Variants in DPP6 observed in about 807,000 individuals in gnomAD.
The protein encoded by DPP6 is dipeptidyl peptidase like 6.
DPP6 carries 69 observed loss-of-function variants against 122.6 expected under a neutral mutation model. The ratio of observed to expected loss-of-function variants is 0.56; its 90% CI spans 0.46 to 0.69. The LOEUF (loss-of-function observed/expected upper bound fraction) is 0.69, where lower values mean the gene tolerates loss of function less well. DPP6 is among the 30% of genes least tolerant of loss of function. DPP6 has a pLI of 0.00. For synonymous variants in DPP6, 418 were observed against 433.1 expected (o/e 0.97, Z 0.43); for missense variants, 928 against 1,116.9 (o/e 0.83, Z 2.41).
At chr7:153,883,963 G>A (rs563938622), upstream of DPP6, among the ~76,000 whole-genome samples, 9 of 152,250 alleles carry the variant, frequency 5.9e-5, no homozygotes, top group African/African-American at 1.9e-4. Flanking sequence ...GAGAAAATGT[G>A]TCTGCTAATA....
intron 1 of DPP6, among the ~76,000 whole-genome samples, chr7:154,410,214 G>A (rs1182812788): frequency 2.0e-5 from 3 of 152,162 alleles, no homozygotes; most frequent in East Asian, 1.9e-4. Context: ...TCCTAACATC[G>A]TGTCTTAGGG....
chr7:154,372,932 T>G (rs1016417208), intron 1 of DPP6, among the ~76,000 whole-genome samples: 10 of 152,292 alleles, frequency 6.6e-5, no homozygotes, highest in Admixed American at 5.2e-4. Flanking sequence ...CAAACCTACC[T>G]GGATTAGCAC....
rs1323849875 is a variant in DPP6 at position 154,463,216 on chromosome 7, T to C, written c.359-11723T>C. On this transcript the variant is annotated intron_variant, in intron 2 of 25. Transcript: ENST00000377770. ...TTTTCTTTTTTTTTTTTTTTTTTTTTTTTTTTTTTGAGACGGAGTCTCGCT... is the reference window on the plus strand; with the variant it reads ...TTTTCTTTTTTTTTTTTTTTTTTTTCTTTTTTTTTGAGACGGAGTCTCGCT... 2.5e-5 allele frequency among the ~76,000 whole-genome samples: 3 copies of C among 119,190 alleles called. No individual in the cohort carries two copies. In the Admixed American group the frequency reaches 2.8e-4, roughly 11 times the overall value. The allele number at this position is 119,190 out of a possible 152,430, so 78.2% of individuals were successfully genotyped here. A position where few individuals can be genotyped will look rare whatever the true frequency, so the allele number is the denominator to read the frequency against.
chr7:154,158,813 T>A (rs2150703041), intron 1 of DPP6, among the ~76,000 whole-genome samples: 1 of 152,162 alleles, frequency 6.6e-6, no homozygotes, highest in East Asian at 1.9e-4. Context: ...CCCCTCATTT[T>A]CCCAGGGCGG....
chr7:154,871,147 C>A lies in DPP6; in HGVS notation c.1814-1477C>A, dbSNP rs6597433. ...TAGGCCTGGCCTCCTCCTCCTCCAG[C>A]CCACTCTACCCACTGCTGTCCCAGT... On this transcript the variant is annotated intron_variant, in intron 18 of 25. Coordinates refer to ENST00000377770, the MANE Select transcript of DPP6 (RefSeq NM_130797.4). Among the ~76,000 whole-genome samples the A allele has an allele frequency of 7.0e-3, 1,062 of 152,274 alleles. 7 individuals carry two copies. The highest frequency in any genetic ancestry group is 0.024 in the African/African-American group (1,006 of 41,556).
intron 1 of DPP6, among the ~76,000 whole-genome samples, chr7:153,903,247 G>A (rs577815965): frequency 2.0e-5 from 3 of 152,214 alleles, no homozygotes; most frequent in Non-Finnish European, 4.4e-5. Context: ...GCAGGATGTG[G>A]GATGGAGGCA....
chr7:154,327,143 A>G (rs1393649494), intron 1 of DPP6, among the ~76,000 whole-genome samples: 1 of 152,170 alleles, frequency 6.6e-6, no homozygotes, highest in Non-Finnish European at 1.5e-5. Flanking sequence ...TCTCAGAGAA[A>G]AAAAAGATTT....
At chr7:154,494,934 A>G (rs1465313459) in intron 3 of DPP6, among the ~76,000 whole-genome samples, 2 of 152,238 alleles carry the variant, frequency 1.3e-5, no homozygotes, top group Non-Finnish European at 2.9e-5. Flanking sequence ...TTCTCGAGAT[A>G]CAGACAGAGG....
At chr7:154,068,404 A>G (rs1160230449) in intron 1 of DPP6, among the ~76,000 whole-genome samples, 1 of 148,176 alleles carries the variant, frequency 6.7e-6, no homozygotes, top group Admixed American at 6.8e-5. Flanking sequence ...CCTGGAAAAA[A>G]GGATGGGAAG....
chr7:154,421,600 G>A (rs540362995), intron 1 of DPP6, among the ~76,000 whole-genome samples: 7 of 152,202 alleles, frequency 4.6e-5, no homozygotes, highest in African/African-American at 9.6e-5. Context: ...CTGGGATTAC[G>A]GGCATGAGCC....
chr7:153,812,112 C>T, the DPP6 span, among the ~76,000 whole-genome samples: 2 of 152,168 alleles, frequency 1.3e-5, no homozygotes, highest in Non-Finnish European at 2.9e-5. Context: ...TCTCCTCTTT[C>T]ATCTTTTCCT....
At chr7:154,387,535 G>A (rs1223490262) in intron 1 of DPP6, among the ~76,000 whole-genome samples, 1 of 152,190 alleles carries the variant, frequency 6.6e-6, no homozygotes, top group Non-Finnish European at 1.5e-5. Context: ...GCATCTCCAG[G>A]AGGATCATGT....
intron 1 of DPP6, among the ~76,000 whole-genome samples, chr7:154,333,342 C>A (rs1198144266): frequency 6.6e-6 from 1 of 152,008 alleles, no homozygotes; most frequent in Non-Finnish European, 1.5e-5. Flanking sequence ...CATTTTCTAT[C>A]AGTTCCTGAA....
the DPP6 span, among the ~76,000 whole-genome samples, chr7:153,772,748 T>A: frequency 3.4e-5 from 5 of 148,626 alleles, no homozygotes; most frequent in South Asian, 2.1e-4. Flanking sequence ...AAGATTTAGA[T>A]AGGTTAAAAG....
chr7:154,755,134 A>AAAG lies in DPP6; in HGVS notation c.884-14282_884-14280dup, dbSNP rs1018556296. 3.6e-5 allele frequency among the ~76,000 whole-genome samples: 5 copies of AAAG among 139,958 alleles called. No homozygotes were observed. The highest frequency in any genetic ancestry group is 1.4e-4 in the African/African-American group (5 of 34,624). The allele number at this position is 139,958 out of a possible 152,430, so 91.8% of individuals were successfully genotyped here. A position where few individuals can be genotyped will look rare whatever the true frequency, so the allele number is the denominator to read the frequency against. On this transcript the variant is annotated intron_variant, in intron 8 of 25. Transcript: ENST00000377770. The surrounding 1 kb of genome is among the most constrained non-coding windows in gnomAD (Gnocchi z 4.7). ...GTTCTGCACATGTATCCCAGAACTTAAAGTAAAATAAATTAAAAAAAAAAA... is the reference window on the plus strand; with the variant it reads ...GTTCTGCACATGTATCCCAGAACTTAAAGAAGTAAAATAAATTAAAAAAAAAAA...
chr7:154,813,980 A>G (rs978349779), intron 16 of DPP6, among the ~76,000 whole-genome samples: 7 of 142,134 alleles, frequency 4.9e-5, no homozygotes, highest in Non-Finnish European at 1.5e-5. Flanking sequence ...TCCCAGGTTC[A>G]AGCAATTCTC....
rs528212863 is a variant in DPP6 at position 154,188,276 on chromosome 7, A to G, written c.243+135213A>G. Among the ~76,000 whole-genome samples the G allele has an allele frequency of 7.7e-4, 118 of 152,316 alleles. 1 individual carries two copies. The highest frequency in any genetic ancestry group is 2.7e-3 in the African/African-American group (114 of 41,576). On this transcript the variant is annotated intron_variant, in intron 1 of 25. Coordinates refer to ENST00000377770, the MANE Select transcript of DPP6 (RefSeq NM_130797.4). ...TTTATTCTTAAGAGCAGTGAACTCT[A>G]CTTTCAAGGGGATGAAACAAGTGAA... is the stretch of plus-strand genomic sequence containing the variant.
chr7:153,896,187 C>T (rs1176618228), intron 1 of DPP6, among the ~76,000 whole-genome samples: 2 of 152,204 alleles, frequency 1.3e-5, no homozygotes, highest in East Asian at 1.9e-4. Context: ...AAATAATTCT[C>T]ATTTTATGGT....
intron 16 of DPP6, 79 bp from the exon 17 acceptor site, chr7:154,853,701 A>T: frequency 1.3e-6 from 2 of 1,553,082 alleles, no homozygotes; most frequent in Non-Finnish European, 1.7e-6. Context: ...GTGGCATAAG[A>T]AAAGCCTGTT....
Sources: gnomAD v4.1 joint callset for allele counts (sites outside exome capture counted in the v4.1 genomes callset) on GRCh38, gnomAD v4.1.1 for gene constraint, Gnocchi (gnomAD v3.1) non-coding constraint, MANE v1.5 for transcripts, NCBI Gene and HGNC (gene_info 2026-07-23, HGNC 2026-07-21) for gene names.